The following IFFO1 variants were observed in gnomAD, a reference collection of about 807,000 sequenced individuals.
IFFO1 encodes non-homologous end joining factor IFFO1.
Under a neutral mutation model 59.6 loss-of-function variants are expected in IFFO1, and 42 were observed. The observed-to-expected ratio is 0.70, with a 90% CI of 0.55 to 0.91. The LOEUF (loss-of-function observed/expected upper bound fraction) is 0.91. IFFO1 is among the 40% of genes least tolerant of loss of function. The probability of loss-of-function intolerance (pLI) is 0.00; values close to 1 mark genes in which losing one functional copy is unlikely to be tolerated. For missense variants in IFFO1, 711 were observed against 793.2 expected, an observed-to-expected ratio of 0.90 and a Z score of 1.24; for synonymous variants, 336 against 342.8, an observed-to-expected ratio of 0.98 and a Z score of 0.22.
In IFFO1 at chr12:6,540,606, T is replaced by G. The variant is rs761107034; in HGVS notation, c.1611-18A>C. The G allele has an allele frequency of 6.2e-7, 1 of 1,602,418 alleles. No homozygotes were observed. Among genetic ancestry groups the G allele is most frequent in the Non-Finnish European group, 8.5e-7 (1 of 1,170,390 alleles). The stretch of plus-strand genomic sequence containing the variant: ...GAGACTTTCTAGAAAAAAACACCAG[T>G]TGTCAACCTTGGGGCAGGCAGGAAT... On this transcript the variant is annotated intron_variant, in intron 9 of 9. Coordinates refer to ENST00000619571, the MANE Select transcript of IFFO1 (RefSeq NM_001193457.2).
intron 8 of IFFO1, among the ~76,000 whole-genome samples, chr12:6,542,379 A>G (rs1464677145): frequency 1.3e-5 from 2 of 152,156 alleles, no homozygotes; most frequent in Non-Finnish European, 2.9e-5. Flanking sequence ...AGGCAGGCGG[A>G]GAGGCAGGGC....
chr12:6,549,094 G>C lies in IFFO1; in HGVS notation c.1081-245C>G. ...ATCGAGAAGAAGAGCAGTCAGACAA[G>C]GAAGGAAGGGCTCGCTGGGGCTGCA... On this transcript the variant is annotated intron_variant, in intron 5 of 9. Coordinates refer to ENST00000619571, the MANE Select transcript of IFFO1 (RefSeq NM_001193457.2). The surrounding 1 kb of genome is among the most constrained non-coding windows in gnomAD (Gnocchi z 5.0). 1.7e-6 allele frequency: 1 copy of C among 572,258 alleles called. No individual in the cohort carries two copies. Among genetic ancestry groups the C allele is most frequent in the East Asian group, 2.9e-5 (1 of 34,442 alleles). The allele number at this position is 572,258 out of a possible 1,614,324, so 35.4% of individuals were successfully genotyped here.
At position 6,555,415 on chromosome 12, in the gene IFFO1, G is replaced by A. The variant is rs142794007; in HGVS notation, c.615C>T (p.Leu205=). The A allele has an allele frequency of 2.5e-3, 4,076 of 1,614,054 alleles. 14 individuals are homozygous for A. Among genetic ancestry groups the A allele is most frequent in the Middle Eastern group, 0.013 (80 of 6,062 alleles). ...CCAGAGTGGGCTCCAGTCCCGGCCC[G>A]AGCCGGCGGGCGTGCGAGAACGACC... The part of the protein sequence containing the change: ...TIWSFSHARR[L]GPGLEPTLVQ... Residue 205 remains leucine (L), a synonymous_variant, in exon 1 of 10, where the codon CTC becomes CTT. Coordinates refer to ENST00000619571, the MANE Select transcript of IFFO1 (RefSeq NM_001193457.2). The surrounding 1 kb of genome is among the most constrained non-coding windows in gnomAD (Gnocchi z 8.6).
rs1946698612 is a variant in IFFO1, at chr12:6,541,298, A to T, written c.1610+214T>A. ...AACCACCAGAGCTGGTGGCCTTGGG[A>T]GGTTTCAGCCCTCCCGTCATGAATG... is the stretch of plus-strand genomic sequence containing the variant. On this transcript the variant is annotated intron_variant, in intron 9 of 9. Transcript: ENST00000619571. The surrounding 1 kb of genome is among the most constrained non-coding windows in gnomAD (Gnocchi z 4.8). Among the ~76,000 whole-genome samples, 1 of 152,082 alleles carries T rather than the reference A, an allele frequency of 6.6e-6. No individual in the cohort carries two copies. The highest frequency in any genetic ancestry group is 2.4e-5 in the African/African-American group (1 of 41,404).
At chr12:6,545,698 G>GAAAA (rs375842023) in intron 8 of IFFO1, among the ~76,000 whole-genome samples, 4 of 122,116 alleles carry the variant, frequency 3.3e-5, no homozygotes, top group Admixed American at 2.3e-4. Flanking sequence ...ACTCCGTCTC[G>GAAAA]GAAAAAAAAA....
Position 6,540,447 on chromosome 12 carries a change from C to A in IFFO1, c.*36G>T, listed in dbSNP as rs1565560340. 1 of 1,538,840 alleles carries A rather than the reference C, an allele frequency of 6.5e-7. No individual in the cohort carries two copies. Among genetic ancestry groups the A allele is most frequent in the Non-Finnish European group, 9.0e-7 (1 of 1,111,614 alleles). On this transcript the variant is annotated 3_prime_UTR_variant, in exon 10 of 10. Transcript: ENST00000619571. Reference sequence around the variant, plus strand: ...ACCCTCTGCCTCGCTGAGCTCCCTGCTGCGAGGGCCTCGGGTGCAAGGGGG... The same window carrying A: ...ACCCTCTGCCTCGCTGAGCTCCCTGATGCGAGGGCCTCGGGTGCAAGGGGG...
rs776149812 is a variant in IFFO1, at chr12:6,548,778, C to T, written c.1152G>A (p.Glu384=). The change falls in exon 6 of 10, where the codon GAG becomes GAA. Residue 384 remains glutamate, a synonymous_variant. Transcript: ENST00000619571. This position sits in a 1 kb window ranked among gnomAD's most constrained non-coding sequence, Gnocchi z 6.1. ...GRKRERKAAV[E]EDTSLSESEG... ...CACTCTCCGACAGGGAGGTGTCCTC[C>T]TCGACGGCAGCCTTGCGCTCCCGCT... The T allele has an allele frequency of 1.2e-6, 2 of 1,613,868 alleles. No individual in the cohort carries two copies. Among genetic ancestry groups the T allele is most frequent in the East Asian group, 2.2e-5 (1 of 44,888 alleles).
rs1470352634 is a variant in IFFO1, at chr12:6,548,533, A to G, written c.1275T>C (p.Asp425=). ...QRMLNQLREY[D]FEDDCDSLTW... is the part of the protein sequence containing the mutation. Reference sequence around the variant, plus strand: ...TCAGGCTGTCACAGTCGTCCTCAAAATCATACTCCCTCCTAGAGACAGGGA... The same window carrying G: ...TCAGGCTGTCACAGTCGTCCTCAAAGTCATACTCCCTCCTAGAGACAGGGA... The change falls in exon 7 of 10, where the codon GAT becomes GAC. Residue 425 remains aspartate, a synonymous_variant. Coordinates refer to ENST00000619571, the MANE Select transcript of IFFO1 (RefSeq NM_001193457.2). This position sits in a 1 kb window ranked among gnomAD's most constrained non-coding sequence, Gnocchi z 6.1. The G allele has an allele frequency of 6.2e-7, 1 of 1,613,736 alleles. No individual in the cohort carries two copies. Among genetic ancestry groups the G allele is most frequent in the Admixed American group, 1.7e-5 (1 of 59,998 alleles).
rs369130053 is a variant in IFFO1, at chr12:6,539,766, A to T, written c.*717T>A. 1 of 153,268 alleles carries T rather than the reference A, an allele frequency of 6.5e-6. No homozygotes were observed. Among genetic ancestry groups the T allele is most frequent in the African/African-American group, 2.4e-5 (1 of 41,458 alleles). The allele number at this position is 153,268 out of a possible 1,614,324, so 9.5% of individuals were successfully genotyped here. ...CGCACATACACCCGCGCACACATGCATGGAGCTTCACCTTCTCTGTCATTC... is the reference window on the plus strand; with the variant it reads ...CGCACATACACCCGCGCACACATGCTTGGAGCTTCACCTTCTCTGTCATTC... On this transcript the variant is annotated 3_prime_UTR_variant, in exon 10 of 10. Coordinates refer to ENST00000619571, the MANE Select transcript of IFFO1 (RefSeq NM_001193457.2).
chr12:6,550,034 C>A, intron 3 of IFFO1, 138 bp from the exon 4 acceptor site: 4 of 936,014 alleles, frequency 4.3e-6, no homozygotes, highest in Non-Finnish European at 6.3e-6. Context: ...GCTGACTGCA[C>A]CCCTCTTCCT....
At chr12:6,554,690 T>C (rs1947362001) in intron 1 of IFFO1, among the ~76,000 whole-genome samples, 2 of 152,214 alleles carry the variant, frequency 1.3e-5, no homozygotes, top group Admixed American at 6.5e-5. Flanking sequence ...ACTCTTTCTT[T>C]TCCCAGTTTG....
chr12:6,541,546 T>C lies in IFFO1; in HGVS notation c.1576A>G (p.Thr526Ala). ...MKRGLDVQME[T>A]CRRLITQSGD... ...GACTGGGTGATGAGCCGGCGGCAGG[T>C]CTCCATCTGCACGTCCAGGCCGCGC... The change falls in exon 9 of 10, where the codon ACC becomes GCC. Residue 526 changes from threonine to alanine, a missense_variant. Physicochemically the swap from Thr to Ala is moderately conservative, Grantham distance 58. Coordinates refer to ENST00000619571, the MANE Select transcript of IFFO1 (RefSeq NM_001193457.2). This position sits in a 1 kb window ranked among gnomAD's most constrained non-coding sequence, Gnocchi z 4.8. 1 of 1,614,042 alleles carries C rather than the reference T, an allele frequency of 6.2e-7. No individual in the cohort carries two copies. The highest frequency in any genetic ancestry group is 8.5e-7 in the Non-Finnish European group (1 of 1,179,994).
rs138979230 is a variant in IFFO1 at position 6,548,236 on chromosome 12, G to GGA, written c.1384-78_1384-77dup. The GGA allele has an allele frequency of 4.8e-4, 641 of 1,324,668 alleles. No individual in the cohort carries two copies. The highest frequency in any genetic ancestry group is 6.0e-4 in the Non-Finnish European group (553 of 928,398). 82.1% of individuals were successfully genotyped at this position (1,324,668 alleles called of 1,614,324 possible). A position where few individuals can be genotyped will look rare whatever the true frequency, so the allele number is the denominator to read the frequency against. ...GACGCATTCCAAAGGGCCAAGTCAG[G>GGA]GAGAGAGAGAGAGAGGAAGTCTGGT... On this transcript the variant is annotated intron_variant, in intron 7 of 9. Transcript: ENST00000619571. This position sits in a 1 kb window ranked among gnomAD's most constrained non-coding sequence, Gnocchi z 6.1.
At position 6,555,799 on chromosome 12, in the gene IFFO1, G is replaced by A; in HGVS notation, c.231C>T (p.Leu77=). 2.5e-6 allele frequency: 4 copies of A among 1,612,768 alleles called. No individual in the cohort carries two copies. The highest frequency in any genetic ancestry group is 3.4e-6 in the Non-Finnish European group (4 of 1,179,318). Reference sequence around the variant, plus strand: ...AGCGGAACCGGAGGTTCAGGGTCTTGAGCACGTTGATGTTGGAGCCCAGGT... The same window carrying A: ...AGCGGAACCGGAGGTTCAGGGTCTTAAGCACGTTGATGTTGGAGCCCAGGT... ...RNDLGSNINV[L]KTLNLRFRCF... is the part of the protein sequence containing the mutation. Residue 77 remains leucine, a synonymous_variant, in exon 1 of 10, where the codon CTC becomes CTT. Transcript: ENST00000619571. This position sits in a 1 kb window ranked among gnomAD's most constrained non-coding sequence, Gnocchi z 8.6.
intron 8 of IFFO1, among the ~76,000 whole-genome samples, chr12:6,545,804 C>T (rs1044151562): frequency 2.6e-5 from 4 of 152,140 alleles, no homozygotes; most frequent in Non-Finnish European, 4.4e-5. Context: ...TACTTAGGAG[C>T]CATCTCAGTG....
Position 6,548,518 on chromosome 12 carries a change from ACAGTCGTCCTCAAAAT to A in IFFO1, c.1274_1289del (p.Asp425ValfsTer4). ...CAGTCTCCTCCCAAGTCAGGCTGTC[ACAGTCGTCCTCAAAAT>A]CATACTCCCTCCTAGAGACAGGGAA... On this transcript the variant is annotated frameshift_variant, in exon 7 of 10. Coordinates refer to ENST00000619571, the MANE Select transcript of IFFO1 (RefSeq NM_001193457.2). LOFTEE classifies it high-confidence loss of function. The surrounding 1 kb of genome is among the most constrained non-coding windows in gnomAD (Gnocchi z 6.1). The A allele has an allele frequency of 6.2e-7, 1 of 1,613,982 alleles. No homozygotes were observed. Among genetic ancestry groups the A allele is most frequent in the Non-Finnish European group, 8.5e-7 (1 of 1,179,884 alleles).
chr12:6,551,380 C>T (rs972570525), intron 1 of IFFO1: 13 of 1,298,600 alleles, frequency 1.0e-5, no homozygotes, highest in Middle Eastern at 4.8e-4. Context: ...ACCAGGTCCA[C>T]CCGGCCCAGT....
At chr12:6,542,758 C>T (rs1008839087) in intron 8 of IFFO1, among the ~76,000 whole-genome samples, 28 of 152,274 alleles carry the variant, frequency 1.8e-4, no homozygotes, top group Middle Eastern at 6.8e-3. Flanking sequence ...ACTGTTCAAC[C>T]CAGGGGGAAA....
At chr12:6,545,351 A>G (rs1946903367) in intron 8 of IFFO1, among the ~76,000 whole-genome samples, 1 of 152,216 alleles carries the variant, frequency 6.6e-6, no homozygotes, top group Non-Finnish European at 1.5e-5. Flanking sequence ...TTCCAGAAAT[A>G]AACAATTCCT....
Sources: gnomAD v4.1 joint callset for allele counts (sites outside exome capture counted in the v4.1 genomes callset) on GRCh38, gnomAD v4.1.1 for gene constraint, Gnocchi (gnomAD v3.1) non-coding constraint, MANE v1.5 for transcripts, NCBI Gene and HGNC (gene_info 2026-07-23, HGNC 2026-07-21) for gene names.